The following IL1RAPL1 variants were observed in gnomAD, a reference collection of about 807,000 sequenced individuals.
The protein encoded by IL1RAPL1 is interleukin-1 receptor accessory protein-like 1.
IL1RAPL1 carries 3 observed loss-of-function variants against 48.4 expected under a neutral mutation model. The ratio of observed to expected loss-of-function variants is 0.06; its 90% CI spans 0.03 to 0.16. The LOEUF (loss-of-function observed/expected upper bound fraction) is 0.16. IL1RAPL1 is among the 10% of genes least tolerant of loss of function. The pLI is 1.00. For synonymous variants in IL1RAPL1, 185 were observed against 187.7 expected, an observed-to-expected ratio of 0.99 and a Z score of 0.12; for missense variants, 349 against 530.6, an observed-to-expected ratio of 0.66 and a Z score of 3.36.
At chrX:28,723,005 T>C (rs993887735) in intron 1 of IL1RAPL1, among the ~76,000 whole-genome samples, 1 of 111,867 alleles carries the variant, frequency 8.9e-6, no homozygotes, top group African/African-American at 3.3e-5. Flanking sequence ...CAGTATCTTA[T>C]TGAGGATTTT....
chrX:29,669,624 G>A (rs138367593), intron 6 of IL1RAPL1, among the ~76,000 whole-genome samples: 1,424 of 111,597 alleles, frequency 0.013, 18 homozygotes, highest in African/African-American at 0.044. Flanking sequence ...TCTAGCACTT[G>A]AAATGCTTAT....
At chrX:29,584,417 G>A (rs761278561) in intron 5 of IL1RAPL1, among the ~76,000 whole-genome samples, 2 of 111,054 alleles carry the variant, frequency 1.8e-5, no homozygotes, top group East Asian at 5.7e-4. Flanking sequence ...ATTGCAATAT[G>A]CCTAAAATTT....
intron 6 of IL1RAPL1, among the ~76,000 whole-genome samples, chrX:29,789,798 T>TTTTTTTTA (rs1491464024): frequency 1.1e-5 from 1 of 90,403 alleles, no homozygotes; most frequent in African/African-American, 4.2e-5. Flanking sequence ...TTTTTTTTTT[T>TTTTTTTTA]ATCTCAAAGT....
chrX:29,695,379 T>C lies in IL1RAPL1; in HGVS notation c.778+26875T>C, dbSNP rs1025677683. ...CTTTCTGTCAGCTATAGTTGTACTT[T>C]GGTCTCCAGTTATATAATTTGAAGA... On this transcript the variant is annotated intron_variant, in intron 6 of 10. Coordinates refer to ENST00000378993, the MANE Select transcript of IL1RAPL1 (RefSeq NM_014271.4). Among the ~76,000 whole-genome samples the C allele has an allele frequency of 4.5e-5, 5 of 111,622 alleles. No individual in the cohort carries two copies. The Admixed American group carries it at 4.8e-4, about 11-fold the overall frequency.
rs60539139 is a variant in IL1RAPL1 at position 29,230,504 on chromosome X, C to CAAAAAAAAAAAAAAAAAAAAAAAAAA, written c.83-52428_83-52403dup. Reference sequence around the variant, plus strand: ...TGCTCTATCATTATGGTCCCTTTACCAAAAAAAAAAAAAAAAAAAAAAAAA... The same window carrying CAAAAAAAAAAAAAAAAAAAAAAAAAA: ...TGCTCTATCATTATGGTCCCTTTACCAAAAAAAAAAAAAAAAAAAAAAAAAAAAAAAAAAAAAAAAAAAAAAAAAAA... On this transcript the variant is annotated intron_variant, in intron 2 of 10. Coordinates refer to ENST00000378993, the MANE Select transcript of IL1RAPL1 (RefSeq NM_014271.4). Among the ~76,000 whole-genome samples, 2 of 16,593 alleles carry CAAAAAAAAAAAAAAAAAAAAAAAAAA rather than the reference C, an allele frequency of 1.2e-4. 1 individual carries two copies. The highest frequency in any genetic ancestry group is 1.9e-4 in the Non-Finnish European group (2 of 10,694). The allele number at this position is 16,593 out of a possible 115,157, so 14.4% of individuals were successfully genotyped here. A position where few individuals can be genotyped will look rare whatever the true frequency, so the allele number is the denominator to read the frequency against.
chrX:28,670,311 C>G (rs1271710116), intron 1 of IL1RAPL1, among the ~76,000 whole-genome samples: 2 of 111,758 alleles, frequency 1.8e-5, no homozygotes, highest in Non-Finnish European at 3.8e-5. Context: ...GTGATTTTGT[C>G]TGGATAGTTA....
At chrX:29,540,433 C>T (rs774922428) in intron 5 of IL1RAPL1, among the ~76,000 whole-genome samples, 2 of 111,495 alleles carry the variant, frequency 1.8e-5, no homozygotes, top group African/African-American at 6.5e-5. Flanking sequence ...AAAAACTATT[C>T]TAAAATGTAT....
In IL1RAPL1 at chrX:29,470,833, A is replaced by G. The variant is rs777517965; in HGVS notation, c.703+71525A>G. On this transcript the variant is annotated intron_variant, in intron 5 of 10. Transcript: ENST00000378993. The stretch of plus-strand genomic sequence containing the variant: ...TCTTGGCATAGACAGGGTCTTCTCT[A>G]TGTTGCCCACTCTGGTTTTGAACTC... 1.3e-4 allele frequency among the ~76,000 whole-genome samples: 14 copies of G among 110,496 alleles called. No homozygotes were observed. The South Asian group carries it at 4.7e-3, about 37-fold the overall frequency.
intron 2 of IL1RAPL1, among the ~76,000 whole-genome samples, chrX:28,845,174 A>G (rs1356415534): frequency 9.0e-6 from 1 of 111,569 alleles, no homozygotes; most frequent in Non-Finnish European, 1.9e-5. Context: ...CCCATGCAGG[A>G]GGAATGATGT....
chrX:28,789,368 A>G lies in IL1RAPL1; in HGVS notation c.25A>G (p.Ile9Val). Residue 9 changes from isoleucine (I) to valine (V), a missense_variant, in exon 2 of 11, where the codon ATT becomes GTT. Around this residue, in one of 3 missense-constraint regions of IL1RAPL1, gnomAD observed 238 missense variants for 337.8 expected, o/e 0.70. Transcript: ENST00000378993. ...GATGAAAGCTCCGATTCCACACTTGATTCTCTTATACGCTACTTTTACTCA... is the reference window on the plus strand; with the variant it reads ...GATGAAAGCTCCGATTCCACACTTGGTTCTCTTATACGCTACTTTTACTCA... MKAPIPHLILLYATFTQSL... is the reference protein window; with the variant it reads MKAPIPHLVLLYATFTQSL... 16 of 1,209,791 alleles carry G rather than the reference A, an allele frequency of 1.3e-5. No homozygotes were observed. The highest frequency in any genetic ancestry group is 1.8e-5 in the Non-Finnish European group (16 of 893,741).
At chrX:28,814,269 C>T (rs1232231271) in intron 2 of IL1RAPL1, among the ~76,000 whole-genome samples, 1 of 108,910 alleles carries the variant, frequency 9.2e-6, no homozygotes, top group East Asian at 2.9e-4. Context: ...ACTATTCTAA[C>T]TGAATTTTAG....
intron 1 of IL1RAPL1, among the ~76,000 whole-genome samples, chrX:28,644,316 C>A (rs1934582841): frequency 9.0e-6 from 1 of 111,506 alleles, no homozygotes; most frequent in Non-Finnish European, 1.9e-5. Context: ...TAGTTACATC[C>A]TTTCTTATTT....
intron 1 of IL1RAPL1, among the ~76,000 whole-genome samples, chrX:28,704,796 TCA>T (rs201309320): frequency 0.011 from 574 of 50,543 alleles, 38 homozygotes; most frequent in East Asian, 0.029. Flanking sequence ...AGGTTTGAGT[TCA>T]CACACACACA....
intron 3 of IL1RAPL1, among the ~76,000 whole-genome samples, chrX:29,307,156 C>T (rs1269431663): frequency 1.8e-5 from 2 of 111,200 alleles, no homozygotes; most frequent in Admixed American, 9.6e-5. Flanking sequence ...CTGGAACCTC[C>T]ATCCTAACCT....
chrX:28,737,695 A>G (rs763010319), intron 1 of IL1RAPL1, among the ~76,000 whole-genome samples: 24 of 112,789 alleles, frequency 2.1e-4, no homozygotes, highest in Non-Finnish European at 4.3e-4. Context: ...ATTTTAATAT[A>G]GAGATTTTAC....
intron 5 of IL1RAPL1, among the ~76,000 whole-genome samples, chrX:29,449,498 G>A (rs1481148521): frequency 9.1e-6 from 1 of 110,416 alleles, no homozygotes; most frequent in Non-Finnish European, 1.9e-5. Context: ...TAACTAAAAG[G>A]AATAATTTTA....
At chrX:29,737,266 T>C (rs1298170303) in intron 6 of IL1RAPL1, among the ~76,000 whole-genome samples, 2 of 111,833 alleles carry the variant, frequency 1.8e-5, no homozygotes, top group African/African-American at 6.5e-5. Context: ...ATTTCTTTTA[T>C]GGATAAGGGT....
intron 2 of IL1RAPL1, among the ~76,000 whole-genome samples, chrX:28,870,042 T>A (rs1030885632): frequency 8.9e-6 from 1 of 111,887 alleles, no homozygotes. Context: ...ACTACTTTGT[T>A]CCTTTTTATT....
At chrX:29,113,530 CCT>C (rs1349535011) in intron 2 of IL1RAPL1, among the ~76,000 whole-genome samples, 4 of 111,839 alleles carry the variant, frequency 3.6e-5, no homozygotes, top group Non-Finnish European at 7.5e-5. Flanking sequence ...TAGCAGTGTA[CCT>C]CTCTGTTTAC....
Sources: gnomAD v4.1 joint callset for allele counts (sites outside exome capture counted in the v4.1 genomes callset) on GRCh38, gnomAD v4.1.1 for gene constraint, gnomAD v4.1.1 regional missense constraint, MANE v1.5 for transcripts, NCBI Gene and HGNC (gene_info 2026-07-23, HGNC 2026-07-21) for gene names.